The following AFG1L variants were observed in gnomAD, a reference collection of about 807,000 sequenced individuals.
AFG1L encodes the protein AFG1-like ATPase.
Under a neutral mutation model 62.2 loss-of-function variants are expected in AFG1L, and 53 were observed. The ratio of observed to expected loss-of-function variants is 0.85; its 90% confidence interval spans 0.68 to 1.07. The LOEUF (loss-of-function observed/expected upper bound fraction) is 1.07, where lower values mean the gene tolerates loss of function less well. Among genes scored for constraint, AFG1L ranks in the 50% least tolerant of loss-of-function variants. The pLI is 0.00. For synonymous variants in AFG1L, 228 were observed against 210.3 expected (o/e 1.08, Z -0.73); for missense variants, 555 against 590.5 (o/e 0.94, Z 0.62).
chr6:108,421,065 G>T (rs895738609), intron 7 of AFG1L, among the ~76,000 whole-genome samples: 1 of 152,024 alleles, frequency 6.6e-6, no homozygotes, highest in Admixed American at 6.6e-5. Context: ...GAACTTTTAA[G>T]CTCTTTGTCA....
intron 7 of AFG1L, among the ~76,000 whole-genome samples, chr6:108,408,656 T>G (rs1158137444): frequency 6.6e-6 from 1 of 152,212 alleles, no homozygotes; most frequent in Admixed American, 6.5e-5. Context: ...TGCTGTCTTT[T>G]GCTACCTATT....
rs918676411 is a variant in AFG1L at position 108,523,944 on chromosome 6, A to G, written c.*1519A>G. 2 of 152,190 alleles carry G rather than the reference A, an allele frequency of 1.3e-5. No homozygotes were observed. Among genetic ancestry groups the G allele is most frequent in the African/African-American group, 4.8e-5 (2 of 41,450 alleles). 9.4% of individuals were successfully genotyped at this position (152,190 alleles called of 1,614,324 possible). A position where few individuals can be genotyped will look rare whatever the true frequency, so the allele number is the denominator to read the frequency against. On this transcript the variant is annotated 3_prime_UTR_variant, in exon 13 of 13. Transcript: ENST00000368977. Reference sequence around the variant, plus strand: ...CACTTTGTGCTGGATTGAATGCTATATATTTACATTAGCTCAGTTAAAAAA... The same window carrying G: ...CACTTTGTGCTGGATTGAATGCTATGTATTTACATTAGCTCAGTTAAAAAA...
chr6:108,370,148 GGAAA>G (rs1239801148), intron 6 of AFG1L, among the ~76,000 whole-genome samples: 1 of 151,780 alleles, frequency 6.6e-6, no homozygotes, highest in East Asian at 1.9e-4. Context: ...GATCTGTAGA[GGAAA>G]GAGCTAAACC....
intron 2 of AFG1L, among the ~76,000 whole-genome samples, chr6:108,326,244 T>A (rs985106883): frequency 1.3e-5 from 2 of 152,134 alleles, no homozygotes; most frequent in African/African-American, 4.8e-5. Context: ...ACTAATTTTT[T>A]AATTTTTTTG....
chr6:108,486,622 A>G (rs1773585182), intron 10 of AFG1L, among the ~76,000 whole-genome samples: 1 of 152,190 alleles, frequency 6.6e-6, no homozygotes, highest in African/African-American at 2.4e-5. Context: ...ATATTACTTC[A>G]TTCTTTTCTC....
At chr6:108,316,048 A>T (rs968449219) in intron 1 of AFG1L, among the ~76,000 whole-genome samples, 2 of 151,492 alleles carry the variant, frequency 1.3e-5, no homozygotes, top group African/African-American at 4.9e-5. Flanking sequence ...GACCCTGCTT[A>T]AAAAAAAATT....
chr6:108,448,154 C>A (rs1026830347), intron 8 of AFG1L, among the ~76,000 whole-genome samples: 6 of 152,284 alleles, frequency 3.9e-5, no homozygotes, highest in African/African-American at 1.4e-4. Flanking sequence ...AAATTGCATA[C>A]TTTACAGTGT....
chr6:108,509,024 G>A (rs528331314), intron 10 of AFG1L, among the ~76,000 whole-genome samples: 149 of 152,228 alleles, frequency 9.8e-4, no homozygotes, highest in African/African-American at 2.8e-3. Context: ...GCCTTCTCCC[G>A]ACTCCAGCAG....
At chr6:108,386,105 T>C (rs1780750866) in intron 6 of AFG1L, among the ~76,000 whole-genome samples, 1 of 151,832 alleles carries the variant, frequency 6.6e-6, no homozygotes, top group African/African-American at 2.4e-5. Flanking sequence ...AGAATGAGAC[T>C]CTGTCTCTCA....
At chr6:108,382,668 T>A (rs1165664366) in intron 6 of AFG1L, among the ~76,000 whole-genome samples, 1 of 152,188 alleles carries the variant, frequency 6.6e-6, no homozygotes, top group Non-Finnish European at 1.5e-5. Flanking sequence ...AGTTAAAAAG[T>A]CTGAATTATG....
intron 6 of AFG1L, among the ~76,000 whole-genome samples, chr6:108,382,442 A>G (rs1582480758): frequency 6.6e-6 from 1 of 152,318 alleles, no homozygotes; most frequent in East Asian, 1.9e-4. Flanking sequence ...ACTGAATATC[A>G]CTAGAAAGTT....
chr6:108,325,216 C>T lies in AFG1L; in HGVS notation c.363+1168C>T, dbSNP rs76650342. Among the ~76,000 whole-genome samples, 775 of 152,278 alleles carry T rather than the reference C, an allele frequency of 5.1e-3. 4 individuals are homozygous for T. Among genetic ancestry groups the T allele is most frequent in the African/African-American group, 0.018 (750 of 41,552 alleles). ...CCCATGAACTCTTCCACACTCTGCT[C>T]TGGCAGCTGCTTGTGCATTTCCTTA... On this transcript the variant is annotated intron_variant, in intron 2 of 12. Transcript: ENST00000368977.
At chr6:108,301,761 C>T (rs537907874) in intron 1 of AFG1L, among the ~76,000 whole-genome samples, 4 of 152,236 alleles carry the variant, frequency 2.6e-5, no homozygotes, top group Middle Eastern at 3.4e-3. Flanking sequence ...GTTGGAACCA[C>T]GCTGATGTGG....
In AFG1L at chr6:108,356,773, G is replaced by A. The variant is rs74349975; in HGVS notation, c.601G>A (p.Glu201Lys). ...ATATGACCCAATAGCTCCCATAGCC[G>A]AAGAAATCAGCGAAGAAGCATGTCT... ...KSYDPIAPIA[E>K]EISEEACLLC... Residue 201 changes from glutamate to lysine, a missense_variant, in exon 5 of 13, where the codon GAA (glutamate) becomes AAA (lysine). Physicochemically the swap from Glu to Lys is moderately conservative, Grantham distance 56. Coordinates refer to ENST00000368977, the MANE Select transcript of AFG1L (RefSeq NM_145315.5). 0.033 allele frequency: 53,220 copies of A among 1,612,760 alleles called. 986 individuals are homozygous for A. Among genetic ancestry groups the A allele is most frequent in the Non-Finnish European group, 0.039 (46,460 of 1,179,200 alleles).
chr6:108,416,160 C>T (rs1244229145), intron 7 of AFG1L, among the ~76,000 whole-genome samples: 1 of 152,176 alleles, frequency 6.6e-6, no homozygotes, highest in Non-Finnish European at 1.5e-5. Context: ...AACCAACAGA[C>T]ACATGAAAAA....
At chr6:108,454,900 A>G (rs1772193912) in intron 8 of AFG1L, among the ~76,000 whole-genome samples, 1 of 152,030 alleles carries the variant, frequency 6.6e-6, no homozygotes, top group South Asian at 2.1e-4. Flanking sequence ...CGGCCTCCCA[A>G]AGTGCTGGGA....
chr6:108,454,174 T>G (rs1772165575), intron 8 of AFG1L, among the ~76,000 whole-genome samples: 1 of 152,240 alleles, frequency 6.6e-6, no homozygotes, highest in East Asian at 1.9e-4. Flanking sequence ...TTAGACTCCA[T>G]TATATTCCTA....
chr6:108,430,105 G>A (rs1033363314), intron 7 of AFG1L, among the ~76,000 whole-genome samples: 1 of 151,948 alleles, frequency 6.6e-6, no homozygotes, highest in Non-Finnish European at 1.5e-5. Flanking sequence ...CCGCCACAAC[G>A]CCCGGCTAAT....
chr6:108,335,581 G>A (rs1778446625), intron 2 of AFG1L, among the ~76,000 whole-genome samples: 2 of 152,196 alleles, frequency 1.3e-5, no homozygotes, highest in Admixed American at 1.3e-4. Context: ...CAACAACAGC[G>A]TTCAGAACAA....
Sources: allele counts gnomAD v4.1 joint callset (sites outside exome capture counted in the v4.1 genomes callset), GRCh38; gene constraint gnomAD v4.1.1; transcripts MANE v1.5; gene names NCBI Gene and HGNC (gene_info 2026-07-23, HGNC 2026-07-21).